Variants in VPS13B observed in about 807,000 individuals in gnomAD.
VPS13B encodes intermembrane lipid transfer protein VPS13B.
A neutral mutation model predicts 426.4 loss-of-function variants in VPS13B; 285 were observed. That is an observed-to-expected ratio of 0.67 (90% confidence interval 0.61 to 0.74). The LOEUF is 0.74. VPS13B is among the 30% of genes least tolerant of loss of function. VPS13B has a pLI of 0.00. For synonymous variants in VPS13B, 1,676 were observed against 1,676.4 expected (o/e 1.00, Z 0.01); for missense variants, 4,537 against 4,782.6 (o/e 0.95, Z 1.51).
intron 23 of VPS13B, among the ~76,000 whole-genome samples, chr8:99,461,342 A>G (rs3105201): frequency 0.17 from 26,482 of 152,094 alleles, 2,836 homozygotes; most frequent in East Asian, 0.38. Flanking sequence ...GCACAAATGT[A>G]TGATTACATA....
chr8:99,237,922 T>C (rs1473904877), intron 17 of VPS13B, among the ~76,000 whole-genome samples: 2 of 151,796 alleles, frequency 1.3e-5, no homozygotes. Context: ...AAACTCTTAA[T>C]GGCCTTCGTT....
chr8:99,399,931 G>T (rs1412745059), intron 21 of VPS13B, among the ~76,000 whole-genome samples: 1 of 151,964 alleles, frequency 6.6e-6, no homozygotes, highest in Non-Finnish European at 1.5e-5. Context: ...TCGTTTTCTT[G>T]AGAGAGTAGC....
intron 19 of VPS13B, among the ~76,000 whole-genome samples, chr8:99,300,117 T>A (rs1290947080): frequency 1.3e-5 from 2 of 152,194 alleles, no homozygotes; most frequent in Non-Finnish European, 2.9e-5. Flanking sequence ...TTCTTGCCCA[T>A]AGCTGTCTTA....
intron 24 of VPS13B, among the ~76,000 whole-genome samples, chr8:99,478,211 A>ACTTT (rs1361080821): frequency 2.0e-5 from 3 of 151,802 alleles, no homozygotes; most frequent in Non-Finnish European, 4.4e-5. Context: ...GGAACATAAC[A>ACTTT]CTTTCTTAGC....
At chr8:99,243,759 G>A (rs959788605) in intron 17 of VPS13B, among the ~76,000 whole-genome samples, 2 of 152,142 alleles carry the variant, frequency 1.3e-5, no homozygotes, top group African/African-American at 4.8e-5. Flanking sequence ...CGCTGCTGCC[G>A]CCACTGCAGG....
rs1847924739 is a variant in VPS13B, at chr8:99,121,365, C to G, written c.1126C>G (p.His376Asp). 4 of 1,614,008 alleles carry G rather than the reference C, an allele frequency of 2.5e-6. No individual in the cohort carries two copies. The African/African-American group carries it at 5.3e-5, about 22-fold the overall frequency. ...FVGNDPASTM[H>D]QQKAQTLKDP... ...TGGGAACGATCCTGCATCAACCATG[C>G]ATCAACAAAAAGCACAGACTTTGAA... The change falls in exon 8 of 62, where the codon CAT becomes GAT. Residue 376 changes from histidine to aspartate, a missense_variant. Transcript: ENST00000357162.
intron 21 of VPS13B, among the ~76,000 whole-genome samples, chr8:99,396,332 A>G (rs888406601): frequency 5.3e-5 from 8 of 152,088 alleles, no homozygotes; most frequent in African/African-American, 1.7e-4. Context: ...AGGTCAAGCA[A>G]CTTATCCAAA....
intron 19 of VPS13B, among the ~76,000 whole-genome samples, chr8:99,379,772 TTATTG>T (rs1220561167): frequency 7.9e-5 from 12 of 152,150 alleles, no homozygotes; most frequent in African/African-American, 2.9e-4. Context: ...AATGCTTTCT[TTATTG>T]TATTTTATGT....
At chr8:99,028,212 C>G (rs1269381460) in intron 2 of VPS13B, among the ~76,000 whole-genome samples, 1 of 151,822 alleles carries the variant, frequency 6.6e-6, no homozygotes, top group African/African-American at 2.4e-5. Flanking sequence ...TGACCCATCC[C>G]CAATGAGCCG....
chr8:99,041,730 G>A (rs1338396729), intron 3 of VPS13B, among the ~76,000 whole-genome samples: 7 of 152,008 alleles, frequency 4.6e-5, no homozygotes, highest in Non-Finnish European at 1.0e-4. Context: ...GCCGGCGCCT[G>A]TAGTCCCAGC....
At chr8:99,605,210 A>G (rs1827513940) in intron 33 of VPS13B, among the ~76,000 whole-genome samples, 1 of 152,350 alleles carries the variant, frequency 6.6e-6, no homozygotes, top group Admixed American at 6.5e-5. Flanking sequence ...TGGTCCAAGA[A>G]ATAAATGCCT....
Position 99,471,802 on chromosome 8 carries a change from A to G in VPS13B, c.3666+4168A>G, listed in dbSNP as rs528622439. Among the ~76,000 whole-genome samples the G allele has an allele frequency of 2.6e-5, 4 of 152,286 alleles. No individual in the cohort carries two copies. The South Asian group carries it at 8.3e-4, about 32-fold the overall frequency. ...CCATGCTACACCTGCAGAATTGAAT[A>G]ACGGAACAGTATGGCCCACAAAGCC... On this transcript the variant is annotated intron_variant, in intron 24 of 61. Coordinates refer to ENST00000357162, the MANE Select transcript of VPS13B (RefSeq NM_152564.5).
Position 99,147,950 on chromosome 8 carries a change from A to T in VPS13B, c.1953A>T (p.Thr651=), listed in dbSNP as rs756544361. The T allele has an allele frequency of 6.2e-7, 1 of 1,613,854 alleles. No homozygotes were observed. ...TSVTLLKCTC[T]ISMAEFNLLD... The stretch of plus-strand genomic sequence containing the variant: ...TTACTCTCCTCAAATGTACCTGCAC[A>T]ATTTCCATGGCTGAATTCAACTTGC... Residue 651 remains threonine (T), a synonymous_variant, in exon 14 of 62, where the codon ACA becomes ACT. Coordinates refer to ENST00000357162, the MANE Select transcript of VPS13B (RefSeq NM_152564.5).
chr8:99,249,384 A>G (rs1817385514), intron 17 of VPS13B, among the ~76,000 whole-genome samples: 1 of 151,154 alleles, frequency 6.6e-6, no homozygotes, highest in African/African-American at 2.4e-5. Flanking sequence ...CTCTGGGACT[A>G]ATGCCTAAGA....
intron 19 of VPS13B, among the ~76,000 whole-genome samples, chr8:99,359,209 A>G (rs1423751164): frequency 6.6e-6 from 1 of 152,194 alleles, no homozygotes; most frequent in Non-Finnish European, 1.5e-5. Context: ...ATGTTTTTTA[A>G]CAGAATTTTA....
intron 1 of VPS13B, 21 bp from the exon 2 acceptor site, chr8:99,013,739 G>A: frequency 6.2e-7 from 1 of 1,612,312 alleles, no homozygotes; most frequent in Non-Finnish European, 8.5e-7. Flanking sequence ...GACTTCTAAC[G>A]TTTCTGTCTA....
At chr8:99,050,862 C>T (rs1407613525) in intron 3 of VPS13B, among the ~76,000 whole-genome samples, 1 of 152,178 alleles carries the variant, frequency 6.6e-6, no homozygotes, top group East Asian at 1.9e-4. Flanking sequence ...ATATGCTTTG[C>T]CCACTTTTTG....
intron 3 of VPS13B, among the ~76,000 whole-genome samples, chr8:99,047,357 G>A (rs919996828): frequency 3.3e-5 from 5 of 152,054 alleles, no homozygotes; most frequent in Admixed American, 1.3e-4. Flanking sequence ...TTGTATTTCT[G>A]TCTTGTCCGT....
intron 31 of VPS13B, among the ~76,000 whole-genome samples, chr8:99,574,645 A>G (rs1563804442): frequency 6.6e-6 from 1 of 152,214 alleles, no homozygotes; most frequent in Non-Finnish European, 1.5e-5. Flanking sequence ...TATTCTGCTA[A>G]ATAACTGATG....
Sources: gnomAD v4.1 joint callset for allele counts (sites outside exome capture counted in the v4.1 genomes callset) on GRCh38, gnomAD v4.1.1 for gene constraint, MANE v1.5 for transcripts, NCBI Gene and HGNC (gene_info 2026-07-23, HGNC 2026-07-21) for gene names.